Variants in TENM1 observed in about 807,000 individuals in gnomAD.
TENM1 encodes teneurin-1.
In TENM1, 35 loss-of-function variants were observed where a neutral mutation model predicts 174.8. The ratio of observed to expected loss-of-function variants is 0.20; its 90% CI spans 0.15 to 0.27. TENM1 has a LOEUF of 0.27. Ranked by LOEUF, TENM1 falls within the 10% of genes least tolerant of loss-of-function variation. The probability of loss-of-function intolerance (pLI) is 1.00; values close to 1 mark genes in which losing one functional copy is unlikely to be tolerated. For synonymous variants in TENM1, 781 were observed against 798.7 expected, an observed-to-expected ratio of 0.98 and a Z score of 0.37; for missense variants, 1,633 against 2,130.1, an observed-to-expected ratio of 0.77 and a Z score of 4.59.
chrX:124,808,571 T>C (rs140753087), intron 3 of TENM1, among the ~76,000 whole-genome samples: 3 of 112,330 alleles, frequency 2.7e-5, no homozygotes, highest in East Asian at 2.8e-4. Flanking sequence ...TGGATAGATA[T>C]GTTAGATCAT....
intron 25 of TENM1, among the ~76,000 whole-genome samples, chrX:124,407,998 C>T (rs1055174495): frequency 5.4e-5 from 6 of 111,620 alleles, no homozygotes; most frequent in African/African-American, 2.0e-4. Context: ...AGACTGCCCA[C>T]GTTCTGCCTG....
rs958549742 is a variant in TENM1, at chrX:124,903,636, C to G, written c.218-7395G>C. On this transcript the variant is annotated intron_variant, in intron 1 of 31. Transcript: ENST00000422452. ...ACTGTATTCACATAAGATGGGAGCA[C>G]TTGTTTTGAAGCTAACTCAGCAGTT... Among the ~76,000 whole-genome samples, 4 of 112,083 alleles carry G rather than the reference C, an allele frequency of 3.6e-5. No homozygotes were observed. In the East Asian group the frequency reaches 1.1e-3, roughly 32 times the overall value.
rs34309778 is a variant in TENM1, at chrX:124,450,359, C to CAA, written c.4104+2976_4104+2977dup. 2.2e-3 allele frequency among the ~76,000 whole-genome samples: 167 copies of CAA among 77,299 alleles called. 4 individuals are homozygous for CAA. Among genetic ancestry groups the CAA allele is most frequent in the East Asian group, 6.4e-3 (15 of 2,341 alleles). 67.1% of individuals were successfully genotyped at this position (77,299 alleles called of 115,157 possible). On this transcript the variant is annotated intron_variant, in intron 23 of 31. Transcript: ENST00000422452. ...TGGGCCACAGAGCGAGACTCCGTCT[C>CAA]AAAAAAAAAAAAAAAAAATGGGAGT...
intron 19 of TENM1, among the ~76,000 whole-genome samples, chrX:124,499,913 A>G (rs1427213019): frequency 8.9e-6 from 1 of 111,844 alleles, no homozygotes; most frequent in Non-Finnish European, 1.9e-5. Context: ...GAAATACCAG[A>G]TTTGCTATTA....
intron 3 of TENM1, among the ~76,000 whole-genome samples, chrX:124,893,579 G>T (rs949795557): frequency 2.7e-5 from 3 of 111,728 alleles, no homozygotes; most frequent in Non-Finnish European, 5.6e-5. Flanking sequence ...CCCTGTGGTG[G>T]GATGCTTGGA....
chrX:124,991,535 A>T, the TENM1 span, among the ~76,000 whole-genome samples: 1 of 110,084 alleles, frequency 9.1e-6, no homozygotes, highest in Non-Finnish European at 1.9e-5. Context: ...ACAGAGAGAG[A>T]GAGAAGAGAA....
At chrX:125,193,234 T>C in the TENM1 span, among the ~76,000 whole-genome samples, 16 of 112,403 alleles carry the variant, frequency 1.4e-4, no homozygotes, top group African/African-American at 4.2e-4. Flanking sequence ...CAACTTTCTG[T>C]ATCCATGAGT....
At chrX:125,165,985 T>G in the TENM1 span, among the ~76,000 whole-genome samples, 7 of 111,656 alleles carry the variant, frequency 6.3e-5, no homozygotes, top group East Asian at 1.1e-3. Context: ...GAATATATAA[T>G]GTAGTATAGC....
At chrX:124,603,977 A>T (rs187430203) in intron 11 of TENM1, among the ~76,000 whole-genome samples, 1 of 111,436 alleles carries the variant, frequency 9.0e-6, no homozygotes, top group East Asian at 2.8e-4. Context: ...ACTTTAATAA[A>T]ATCATTACAC....
chrX:124,574,055 A>C (rs767511973), intron 11 of TENM1, among the ~76,000 whole-genome samples: 2 of 112,415 alleles, frequency 1.8e-5, no homozygotes, highest in African/African-American at 6.4e-5. Flanking sequence ...CTAAAATATA[A>C]ACATTCTTCT....
At chrX:124,870,423 T>C (rs1177126983) in intron 3 of TENM1, among the ~76,000 whole-genome samples, 1 of 111,499 alleles carries the variant, frequency 9.0e-6, no homozygotes, top group Admixed American at 9.5e-5. Context: ...ATACATGCTA[T>C]GGAAATAAAG....
chrX:124,983,082 A>G, the TENM1 span, among the ~76,000 whole-genome samples: 1 of 112,245 alleles, frequency 8.9e-6, no homozygotes, highest in African/African-American at 3.2e-5. Context: ...ATATATCACC[A>G]AAGTATTAAC....
At chrX:125,078,971 C>T in the TENM1 span, among the ~76,000 whole-genome samples, 1 of 111,362 alleles carries the variant, frequency 9.0e-6, no homozygotes, top group Admixed American at 9.6e-5. Flanking sequence ...ATTTCACAGA[C>T]GAATAAACTG....
chrX:125,048,472 G>T, the TENM1 span, among the ~76,000 whole-genome samples: 1 of 110,216 alleles, frequency 9.1e-6, no homozygotes, highest in Non-Finnish European at 1.9e-5. Context: ...TTATTCCTTG[G>T]TCTTATCTAA....
At chrX:124,586,359 C>T (rs1488114008) in intron 11 of TENM1, among the ~76,000 whole-genome samples, 3 of 107,132 alleles carry the variant, frequency 2.8e-5, no homozygotes, top group Non-Finnish European at 5.8e-5. Context: ...GGGCTTCATC[C>T]CTGGGATGCA....
At chrX:124,912,773 A>T in intron 1 of TENM1, among the ~76,000 whole-genome samples, 1 of 111,946 alleles carries the variant, frequency 8.9e-6, no homozygotes, top group Non-Finnish European at 1.9e-5. Flanking sequence ...CCACTTGCGA[A>T]CAGTTTGATT....
At chrX:125,195,780 T>A in the TENM1 span, among the ~76,000 whole-genome samples, 2 of 110,482 alleles carry the variant, frequency 1.8e-5, no homozygotes, top group African/African-American at 6.6e-5. Flanking sequence ...AGGTACGAAC[T>A]GAAAAAAATA....
chrX:124,376,312 A>G (rs1569527934), exon 32 of TENM1: 2 of 112,609 alleles, frequency 1.8e-5, no homozygotes, highest in Non-Finnish European at 1.9e-5. Flanking sequence ...TGTTTTTCTG[A>G]CATAAAGGCT....
chrX:124,979,747 G>A, the TENM1 span, among the ~76,000 whole-genome samples: 5 of 110,174 alleles, frequency 4.5e-5, no homozygotes, highest in Admixed American at 9.7e-5. Flanking sequence ...AAAAATGGCC[G>A]AGTTTTTAAA....
Sources: gnomAD v4.1 joint callset for allele counts (sites outside exome capture counted in the v4.1 genomes callset) on GRCh38, gnomAD v4.1.1 for gene constraint, MANE v1.5 for transcripts, NCBI Gene and HGNC (gene_info 2026-07-23, HGNC 2026-07-21) for gene names.